Variants in PRKCH observed in about 807,000 individuals in gnomAD.
The protein encoded by PRKCH is protein kinase C eta type.
PRKCH carries 28 observed loss-of-function variants against 82.5 expected under a neutral mutation model. The observed-to-expected ratio is 0.34, with a 90% CI of 0.25 to 0.47. PRKCH has a LOEUF of 0.47. Ranked by LOEUF, PRKCH falls within the 20% of genes least tolerant of loss-of-function variation. The pLI is 1.00. For synonymous variants in PRKCH, 322 were observed against 327.4 expected, an observed-to-expected ratio of 0.98 and a Z score of 0.18; for missense variants, 705 against 881.8, an observed-to-expected ratio of 0.80 and a Z score of 2.54.
In PRKCH at chr14:61,522,747, T is replaced by C. The variant is rs2042921942; in HGVS notation, c.1434-6328T>C. Among the ~76,000 whole-genome samples the C allele has an allele frequency of 5.3e-5, 8 of 152,356 alleles. No individual in the cohort carries two copies. In the South Asian group the frequency reaches 1.7e-3, roughly 32 times the overall value. On this transcript the variant is annotated intron_variant, in intron 10 of 13. Transcript: ENST00000332981. The stretch of plus-strand genomic sequence containing the variant: ...TCTGTCTGCTTCTCCCACCAGACAT[T>C]AACCCCCTTGTGGGTAGAGATGGTG...
intron 2 of PRKCH, among the ~76,000 whole-genome samples, chr14:61,419,741 AT>A (rs1882736389): frequency 6.6e-6 from 1 of 152,246 alleles, no homozygotes; most frequent in African/African-American, 2.4e-5. Context: ...AGAACTTGTT[AT>A]AAACAAAGCA....
rs147400459 is a variant in PRKCH, at chr14:61,437,886, C to T, written c.428-5225C>T. On this transcript the variant is annotated intron_variant, in intron 2 of 13. Transcript: ENST00000332981. The stretch of plus-strand genomic sequence containing the variant: ...CCGAGGCAGGAGGATCACTTGAGCC[C>T]GTGAGTTTGAGACCAGCCTAGCAAC... Among the ~76,000 whole-genome samples the T allele has an allele frequency of 6.0e-3, 916 of 151,866 alleles. 11 individuals are homozygous for T. Among genetic ancestry groups the T allele is most frequent in the African/African-American group, 0.021 (861 of 41,400 alleles).
At chr14:61,458,463 G>C (rs1198997835) in intron 9 of PRKCH, among the ~76,000 whole-genome samples, 1 of 152,124 alleles carries the variant, frequency 6.6e-6, no homozygotes, top group Middle Eastern at 3.2e-3. Context: ...GCCACACCTT[G>C]GCATGATAGC....
At chr14:61,267,647 C>A (rs188035660) in intron 1 of PRKCH, among the ~76,000 whole-genome samples, 2 of 152,296 alleles carry the variant, frequency 1.3e-5, no homozygotes, top group African/African-American at 4.8e-5. Flanking sequence ...TTAAAAATTC[C>A]ATTTTCTTCT....
At chr14:61,218,073 C>T (rs1332556799) in intron 1 of PRKCH, among the ~76,000 whole-genome samples, 1 of 152,168 alleles carries the variant, frequency 6.6e-6, no homozygotes, top group Non-Finnish European at 1.5e-5. Flanking sequence ...AGCATGCTTA[C>T]CTTGACTTCT....
At chr14:61,314,817 C>T (rs1435590560) in intron 1 of PRKCH, among the ~76,000 whole-genome samples, 3 of 152,168 alleles carry the variant, frequency 2.0e-5, no homozygotes, top group Admixed American at 6.5e-5. Flanking sequence ...CCCTAACAGA[C>T]TGGCCGTCAG....
At position 61,364,815 on chromosome 14, in the gene PRKCH, G is replaced by A. The variant is rs546069669; in HGVS notation, c.364-26410G>A. 1.4e-4 allele frequency among the ~76,000 whole-genome samples: 21 copies of A among 152,160 alleles called. No individual in the cohort carries two copies. In the East Asian group the frequency reaches 1.9e-3, roughly 14 times the overall value. On this transcript the variant is annotated intron_variant, in intron 1 of 13. Coordinates refer to ENST00000332981, the MANE Select transcript of PRKCH (RefSeq NM_006255.5). ...TGATTGCACCATTGCGCTCCAGCTC[G>A]GGCAACAGGGTGAGACCCTGTCTCA...
intron 1 of PRKCH, among the ~76,000 whole-genome samples, chr14:61,240,513 A>G (rs12433868): frequency 0.052 from 7,930 of 152,128 alleles, 338 homozygotes; most frequent in East Asian, 0.17. Flanking sequence ...AGAGGGCAGG[A>G]CTGCCAGTTG....
intron 1 of PRKCH, among the ~76,000 whole-genome samples, chr14:61,267,702 C>A (rs192450751): frequency 3.9e-5 from 6 of 152,254 alleles, no homozygotes; most frequent in African/African-American, 1.4e-4. Context: ...AGTGAATACA[C>A]CTTTTCAGTT....
At chr14:61,192,524 A>G (rs1263614132) in intron 1 of PRKCH, among the ~76,000 whole-genome samples, 4 of 152,226 alleles carry the variant, frequency 2.6e-5, no homozygotes, top group Non-Finnish European at 5.9e-5. Flanking sequence ...GTTTTATGCT[A>G]TTATCACCAA....
Position 61,381,839 on chromosome 14 carries a change from G to A in PRKCH, c.364-9386G>A, listed in dbSNP as rs927644736. On this transcript the variant is annotated intron_variant, in intron 1 of 13. Coordinates refer to ENST00000332981, the MANE Select transcript of PRKCH (RefSeq NM_006255.5). Reference sequence around the variant, plus strand: ...CCTCATGTGCCAGAAGCCAGGGCAGGCATGCTTGAGGCTGAGAGAAAGCAA... The same window carrying A: ...CCTCATGTGCCAGAAGCCAGGGCAGACATGCTTGAGGCTGAGAGAAAGCAA... 1.9e-4 allele frequency among the ~76,000 whole-genome samples: 29 copies of A among 152,234 alleles called. 1 individual carries two copies. The highest frequency in any genetic ancestry group is 6.5e-4 in the African/African-American group (27 of 41,458).
Position 61,340,522 on chromosome 14 carries a change from C to G in PRKCH, c.363+18058C>G, listed in dbSNP as rs78497564. 3.4e-3 allele frequency among the ~76,000 whole-genome samples: 525 copies of G among 152,262 alleles called. 2 individuals are homozygous for G. Among genetic ancestry groups the G allele is most frequent in the African/African-American group, 0.012 (501 of 41,550 alleles). Reference sequence around the variant, plus strand: ...CAAAGCTCTGTCTCTTGTCTTCCCCCCTGAGCCCAACTATTGCTTCTGGAA... The same window carrying G: ...CAAAGCTCTGTCTCTTGTCTTCCCCGCTGAGCCCAACTATTGCTTCTGGAA... On this transcript the variant is annotated intron_variant, in intron 1 of 13. Transcript: ENST00000332981.
At chr14:61,245,818 G>A (rs1338755102) in intron 1 of PRKCH, among the ~76,000 whole-genome samples, 1 of 152,202 alleles carries the variant, frequency 6.6e-6, no homozygotes, top group African/African-American at 2.4e-5. Context: ...AGGTGTGAAA[G>A]AAAAGTTAGG....
intron 1 of PRKCH, chr14:61,279,038 G>A (rs970022056): frequency 3.8e-4 from 55 of 144,892 alleles, no homozygotes; most frequent in African/African-American, 1.3e-3. Flanking sequence ...TGAGCTAGGA[G>A]ACATAGATGT....
At chr14:61,513,496 G>A (rs1273902587) in intron 10 of PRKCH, among the ~76,000 whole-genome samples, 1 of 152,094 alleles carries the variant, frequency 6.6e-6, no homozygotes, top group Non-Finnish European at 1.5e-5. Context: ...AGTTAAGAGT[G>A]AAAAAGTCAG....
intron 12 of PRKCH, among the ~76,000 whole-genome samples, chr14:61,538,413 G>A (rs1349009897): frequency 6.6e-6 from 1 of 152,180 alleles, no homozygotes; most frequent in East Asian, 1.9e-4. Flanking sequence ...TCTTCCCAGA[G>A]ATTTTGTATT....
In PRKCH at chr14:61,406,206, AT is replaced by A. The variant is rs1365772918; in HGVS notation, c.427+14919del. ...GAAAAACACATACAGGAAAAAAAAA[AT>A]GTACAGGGGAGTGTATTGCTTTGGT... On this transcript the variant is annotated intron_variant, in intron 2 of 13. Transcript: ENST00000332981. 4.9e-5 allele frequency among the ~76,000 whole-genome samples: 7 copies of A among 142,928 alleles called. No individual in the cohort carries two copies. In the East Asian group the frequency reaches 1.4e-3, roughly 30 times the overall value. 93.8% of individuals were successfully genotyped at this position (142,928 alleles called of 152,430 possible).
intron 9 of PRKCH, among the ~76,000 whole-genome samples, chr14:61,482,740 A>C (rs1269463922): frequency 1.3e-5 from 2 of 152,160 alleles, no homozygotes; most frequent in Non-Finnish European, 2.9e-5. Context: ...ATGGTCCCTC[A>C]CTGTGTAGCA....
chr14:61,321,400 GC>G (rs1302363012), upstream of PRKCH, among the ~76,000 whole-genome samples: 5 of 152,202 alleles, frequency 3.3e-5, no homozygotes, highest in African/African-American at 9.6e-5. The surrounding 1 kb of genome is among the most constrained non-coding windows in gnomAD (Gnocchi z 4.1). Context: ...GCCCGGGGTG[GC>G]CCCTAACCCG....
Sources: allele counts gnomAD v4.1 joint callset (sites outside exome capture counted in the v4.1 genomes callset), GRCh38; gene constraint gnomAD v4.1.1; non-coding constraint Gnocchi (gnomAD v3.1); transcripts MANE v1.5; gene names NCBI Gene and HGNC (gene_info 2026-07-23, HGNC 2026-07-21).